The following EHBP1L1 variants were observed in gnomAD, a reference collection of about 807,000 sequenced individuals.
The protein encoded by EHBP1L1 is EH domain binding protein 1 like 1, also known as EH domain-binding protein 1-like protein 1.
A neutral mutation model predicts 151.1 loss-of-function variants in EHBP1L1; 122 were observed. The observed-to-expected ratio is 0.81, with a 90% CI of 0.70 to 0.94. The LOEUF is 0.94. EHBP1L1 is among the 40% of genes least tolerant of loss of function. The probability of loss-of-function intolerance (pLI) is 0.00; values close to 1 mark genes in which losing one functional copy is unlikely to be tolerated. For missense variants in EHBP1L1, 1,941 were observed against 1,959.8 expected (o/e 0.99, Z 0.18); for synonymous variants, 878 against 810.1 (o/e 1.08, Z -1.42).
chr11:65,584,763 G>T, intron 11 of EHBP1L1, 196 bp from the exon 12 acceptor site: 1 of 959,798 alleles, frequency 1.0e-6, no homozygotes, highest in Non-Finnish European at 1.5e-6. Context: ...TTTGGTAACG[G>T]GGTGGACGGT....
Position 65,582,314 on chromosome 11 carries a change from A to C in EHBP1L1, c.1642A>C (p.Thr548Pro). The change falls in exon 9 of 19, where the codon ACT becomes CCT. Residue 548 changes from threonine (T) to proline (P), a missense_variant. Coordinates refer to ENST00000309295, the MANE Select transcript of EHBP1L1 (RefSeq NM_001099409.3). ...VSSWQGALLSTAQGAISRGLG... is the reference protein window; with the variant it reads ...VSSWQGALLSPAQGAISRGLG... ...CAGCTGGCAGGGGGCCCTGTTATCA[A>C]CTGCCCAGGGGGCAATATCCAGGGG... The C allele has an allele frequency of 3.3e-6, 5 of 1,537,726 alleles. No homozygotes were observed. The South Asian group carries it at 5.1e-5, about 16-fold the overall frequency.
At position 65,576,350 on chromosome 11, in the gene EHBP1L1, C is replaced by G; in HGVS notation, c.48C>G (p.Ala16=). The change falls in exon 1 of 19, where the codon GCC becomes GCG. Residue 16 remains alanine (A), a synonymous_variant. Coordinates refer to ENST00000309295, the MANE Select transcript of EHBP1L1 (RefSeq NM_001099409.3). ...KRLQRVGKRA[A]KFQFVACYHE... The stretch of plus-strand genomic sequence containing the variant: ...TGCAGCGCGTGGGCAAGCGGGCGGC[C>G]AAGTTCCAGTTCGTGGCCTGTTACC... 2 of 1,600,112 alleles carry G rather than the reference C, an allele frequency of 1.2e-6. No homozygotes were observed. The highest frequency in any genetic ancestry group is 1.7e-6 in the Non-Finnish European group (2 of 1,173,876).
In EHBP1L1 at chr11:65,581,304, G is replaced by A. The variant is rs755448975; in HGVS notation, c.797G>A (p.Arg266Gln). 8 of 1,611,246 alleles carry A rather than the reference G, an allele frequency of 5.0e-6. No individual in the cohort carries two copies. The highest frequency in any genetic ancestry group is 4.0e-5 in the African/African-American group (3 of 74,820). ...ARTSRGQGSE[R>Q]ANEAGGQVGP... ...ACCTCCCGAGGCCAGGGGTCAGAACGAGCTAATGAAGCGGGGGGCCAGGTA... is the reference window on the plus strand; with the variant it reads ...ACCTCCCGAGGCCAGGGGTCAGAACAAGCTAATGAAGCGGGGGGCCAGGTA... The change falls in exon 8 of 19, where the codon CGA becomes CAA. Residue 266 changes from arginine (R) to glutamine (Q), a missense_variant. By Grantham distance (43) the Arg-to-Gln change is conservative. Coordinates refer to ENST00000309295, the MANE Select transcript of EHBP1L1 (RefSeq NM_001099409.3).
rs373275794 is a variant in EHBP1L1 at position 65,579,119 on chromosome 11, G to C, written c.146G>C (p.Arg49Pro). 13 of 1,595,098 alleles carry C rather than the reference G, an allele frequency of 8.1e-6. No individual in the cohort carries two copies. In the South Asian group the frequency reaches 1.4e-4, roughly 17 times the overall value. ...KLVVVWTRRN[R>P]RICSKAHSWQ... ...GTGGTGGTATGGACCCGTCGGAACC[G>C]ACGCATCTGCTCCAAGGTGGGGAAG... Residue 49 changes from arginine to proline, a missense_variant, in exon 2 of 19, where the codon CGA (arginine) becomes CCA (proline). Transcript: ENST00000309295.
chr11:65,576,279 G>T lies in EHBP1L1; in HGVS notation c.-24G>T, dbSNP rs1036644530. ...CCAGCGGGAGCCCCGGGCCTGAGAA[G>T]TGGGCGGCGGGGTGGCGGGGGCCAT... On this transcript the variant is annotated 5_prime_UTR_variant, in exon 1 of 19. Coordinates refer to ENST00000309295, the MANE Select transcript of EHBP1L1 (RefSeq NM_001099409.3). The T allele has an allele frequency of 1.3e-5, 21 of 1,561,770 alleles. No homozygotes were observed. The highest frequency in any genetic ancestry group is 1.7e-5 in the Non-Finnish European group (20 of 1,157,244).
chr11:65,590,270 G>C (rs1374153640), intron 15 of EHBP1L1, 60 bp downstream of exon 15: 7 of 1,596,314 alleles, frequency 4.4e-6, no homozygotes, highest in Non-Finnish European at 6.0e-6. Context: ...GTCCAGCCCT[G>C]CAGCTGTTCC....
chr11:65,585,724 G>T lies in EHBP1L1; in HGVS notation c.3933+133G>T. 1 of 1,409,930 alleles carries T rather than the reference G, an allele frequency of 7.1e-7. No individual in the cohort carries two copies. The highest frequency in any genetic ancestry group is 9.5e-7 in the Non-Finnish European group (1 of 1,053,690). 87.3% of individuals were successfully genotyped at this position (1,409,930 alleles called of 1,614,324 possible). ...AGGGTGACGGTTTCAGAGTGGCGGG[G>T]CTCGGCTGGACCCAGGAGGGGCTAT... is the stretch of plus-strand genomic sequence containing the variant. On this transcript the variant is annotated intron_variant, in intron 12 of 18. Transcript: ENST00000309295. The surrounding 1 kb of genome is among the most constrained non-coding windows in gnomAD (Gnocchi z 4.0).
chr11:65,583,873 GT>G (rs1328379388), intron 9 of EHBP1L1, 108 bp downstream of exon 9: 1 of 1,424,758 alleles, frequency 7.0e-7, no homozygotes, highest in Non-Finnish European at 9.1e-7. Context: ...ATCGGGTGGG[GT>G]GGGGGGCTCA....
chr11:65,587,322 G>A (rs1050780375), intron 12 of EHBP1L1, among the ~76,000 whole-genome samples: 1 of 151,538 alleles, frequency 6.6e-6, no homozygotes, highest in Non-Finnish European at 1.5e-5. Context: ...TCAGTGAGCC[G>A]AGATTGTGCC....
At chr11:65,580,812 G>C in intron 6 of EHBP1L1, 1 of 1,006,464 alleles carries the variant, frequency 9.9e-7, no homozygotes, top group Non-Finnish European at 1.4e-6. Context: ...CAGCCCTCCT[G>C]GGCCAGCTGG....
At chr11:65,583,997 T>C (rs897963448) in intron 9 of EHBP1L1, 2 of 1,405,628 alleles carry the variant, frequency 1.4e-6, no homozygotes, top group Non-Finnish European at 1.8e-6. Flanking sequence ...CTGGGCTGAC[T>C]TTGAGGTGTG....
Position 65,589,974 on chromosome 11 carries a change from G to C in EHBP1L1, c.4042G>C (p.Gly1348Arg). 1.9e-6 allele frequency: 3 copies of C among 1,593,204 alleles called. No individual in the cohort carries two copies. Residue 1348 changes from glycine (G) to arginine (R), a missense_variant, in exon 14 of 19, where the codon GGG becomes CGG. Physicochemically the swap from Gly to Arg is moderately radical, Grantham distance 125 (BLOSUM62 -2). Transcript: ENST00000309295. ...CTCGGAGGAACCACCCCCAAGCCCA[G>C]GGGAGGAGGCTGGGCTGGTAAGGAG... ...SPSEEPPPSP[G>R]EEAGLQRFQD...
chr11:65,577,666 C>T (rs1187420142), intron 1 of EHBP1L1, among the ~76,000 whole-genome samples: 2 of 152,160 alleles, frequency 1.3e-5, no homozygotes. Context: ...CAGCCAAGCC[C>T]TGCCCTCCCT....
rs1224710639 is a variant in EHBP1L1 at position 65,579,454 on chromosome 11, C to T, written c.258+18C>T. ...TCTACAGGGTGAGTCTCTAGCCCTCCAGCATGGATGGCAATTGCAACACAG... is the reference window on the plus strand; with the variant it reads ...TCTACAGGGTGAGTCTCTAGCCCTCTAGCATGGATGGCAATTGCAACACAG... On this transcript the variant is annotated intron_variant, in intron 3 of 18. Transcript: ENST00000309295. 1 of 1,460,430 alleles carries T rather than the reference C, an allele frequency of 6.8e-7. No individual in the cohort carries two copies. Among genetic ancestry groups the T allele is most frequent in the South Asian group, 1.4e-5 (1 of 69,896 alleles). 90.5% of individuals were successfully genotyped at this position (1,460,430 alleles called of 1,614,324 possible).
At chr11:65,581,468 A>G in intron 8 of EHBP1L1, 71 bp from the exon 9 acceptor site, 1 of 1,417,376 alleles carries the variant, frequency 7.1e-7, no homozygotes, top group Non-Finnish European at 9.4e-7. Flanking sequence ...CAACAGTCTG[A>G]AGGGTGGCGG....
At chr11:65,587,634 C>T (rs1858042242) in intron 12 of EHBP1L1, among the ~76,000 whole-genome samples, 1 of 152,208 alleles carries the variant, frequency 6.6e-6, no homozygotes, top group African/African-American at 2.4e-5. Flanking sequence ...TCCCTAGATT[C>T]CTTTCTAGAA....
At chr11:65,584,912 G>C in intron 11 of EHBP1L1, 47 bp from the exon 12 acceptor site, 1 of 1,525,704 alleles carries the variant, frequency 6.6e-7, no homozygotes, top group Non-Finnish European at 8.7e-7. Flanking sequence ...GTTGCCGGGT[G>C]GCGCGGGCCA....
At chr11:65,586,563 G>C (rs565058360) in intron 12 of EHBP1L1, among the ~76,000 whole-genome samples, 1 of 152,246 alleles carries the variant, frequency 6.6e-6, no homozygotes, top group Non-Finnish European at 1.5e-5. Flanking sequence ...GGTGGGAACT[G>C]CATTAGCAAA....
At position 65,583,383 on chromosome 11, in the gene EHBP1L1, C is replaced by T. The variant is rs535373492; in HGVS notation, c.2711C>T (p.Ala904Val). 3.1e-5 allele frequency: 50 copies of T among 1,613,304 alleles called. No homozygotes were observed. The highest frequency in any genetic ancestry group is 3.3e-4 in the Middle Eastern group (2 of 6,058). The change falls in exon 9 of 19, where the codon GCC becomes GTC. Residue 904 changes from alanine (A) to valine (V), a missense_variant. Physicochemically the swap from Ala to Val is moderately conservative, Grantham distance 64. Coordinates refer to ENST00000309295, the MANE Select transcript of EHBP1L1 (RefSeq NM_001099409.3). ...GCTCTCAAATATGAGGCTTTAAGGG[C>T]CCCAGTCACTCAGCCAAGAGTTTTA... Reference protein sequence around the residue: ...GSALKYEALRAPVTQPRVLGS... With the variant: ...GSALKYEALRVPVTQPRVLGS...
Sources: allele counts gnomAD v4.1 joint callset (sites outside exome capture counted in the v4.1 genomes callset), GRCh38; gene constraint gnomAD v4.1.1; non-coding constraint Gnocchi (gnomAD v3.1); transcripts MANE v1.5; gene names NCBI Gene and HGNC (gene_info 2026-07-23, HGNC 2026-07-21).